Variants in TBL1XR1 observed in about 807,000 individuals in gnomAD.
TBL1XR1 encodes the protein F-box-like/WD repeat-containing protein TBL1XR1.
Under a neutral mutation model 66.9 loss-of-function variants are expected in TBL1XR1, and 5 were observed. That is an observed-to-expected ratio of 0.07 (90% confidence interval 0.04 to 0.16). TBL1XR1 has a LOEUF of 0.16. Among genes scored for constraint, TBL1XR1 ranks in the 10% least tolerant of loss-of-function variants. TBL1XR1 has a pLI of 1.00. For missense variants in TBL1XR1, 238 were observed against 623.2 expected (o/e 0.38, Z 6.58); for synonymous variants, 210 against 206.0 (o/e 1.02, Z -0.17).
chr3:177,112,109 T>A (rs1795224), intron 1 of TBL1XR1, among the ~76,000 whole-genome samples: 820 of 36,406 alleles, frequency 0.023, 2 homozygotes, highest in Non-Finnish European at 0.025. Context: ...ATATATATAT[T>A]TTTTTTTTTT....
chr3:177,182,830 AT>A (rs1483913846), intron 1 of TBL1XR1, among the ~76,000 whole-genome samples: 1 of 152,184 alleles, frequency 6.6e-6, no homozygotes, highest in African/African-American at 2.4e-5. Flanking sequence ...TGGCATGTAA[AT>A]TTTTTTAAAA....
At chr3:177,029,129 A>G (rs1047736127) in intron 14 of TBL1XR1, among the ~76,000 whole-genome samples, 7 of 152,040 alleles carry the variant, frequency 4.6e-5, no homozygotes, top group Non-Finnish European at 1.0e-4. Context: ...GAAAAAAAAA[A>G]AAAGCTATCA....
chr3:177,161,499 T>C (rs1266506666), intron 1 of TBL1XR1, among the ~76,000 whole-genome samples: 3 of 152,160 alleles, frequency 2.0e-5, no homozygotes, highest in South Asian at 4.1e-4. Context: ...AAGGCACTAA[T>C]TGGCCAGGCG....
chr3:177,125,012 G>T (rs553609000), intron 1 of TBL1XR1, among the ~76,000 whole-genome samples: 1 of 151,564 alleles, frequency 6.6e-6, no homozygotes, highest in Non-Finnish European at 1.5e-5. Context: ...CTTGGATTAG[G>T]CAATGGTTTC....
At chr3:177,029,378 G>A in intron 14 of TBL1XR1, among the ~76,000 whole-genome samples, 1 of 152,162 alleles carries the variant, frequency 6.6e-6, no homozygotes, top group Admixed American at 6.5e-5. Flanking sequence ...GGAATACTTT[G>A]GAAGGCTGAG....
In TBL1XR1 at chr3:177,049,980, G is replaced by A. The variant is rs753061021; in HGVS notation, c.702+17C>T. On this transcript the variant is annotated intron_variant, in intron 7 of 15. Coordinates refer to ENST00000457928, the MANE Select transcript of TBL1XR1 (RefSeq NM_024665.7). Reference sequence around the variant, plus strand: ...TATACTAGTAATTATATCCATCATGGATATAGTGATACTCACATTCCAATC... The same window carrying A: ...TATACTAGTAATTATATCCATCATGAATATAGTGATACTCACATTCCAATC... 46 of 1,611,936 alleles carry A rather than the reference G, an allele frequency of 2.9e-5. No individual in the cohort carries two copies. Among genetic ancestry groups the A allele is most frequent in the African/African-American group, 4.0e-5 (3 of 74,860 alleles).
At chr3:177,025,635 A>C in intron 15 of TBL1XR1, 111 bp from the exon 16 acceptor site, 1 of 1,020,826 alleles carries the variant, frequency 9.8e-7, no homozygotes, top group East Asian at 2.6e-5. Flanking sequence ...AGTTTATAAA[A>C]TTGGTAAAGC....
chr3:177,093,686 G>T (rs1723109168), intron 2 of TBL1XR1, among the ~76,000 whole-genome samples: 1 of 152,180 alleles, frequency 6.6e-6, no homozygotes, highest in Non-Finnish European at 1.5e-5. Context: ...ACAGCCAACT[G>T]ATCTTCGACA....
intron 2 of TBL1XR1, among the ~76,000 whole-genome samples, chr3:177,085,879 C>G (rs578257094): frequency 1.3e-5 from 2 of 152,254 alleles, no homozygotes; most frequent in South Asian, 4.1e-4. Flanking sequence ...TCTACACAAT[C>G]TGTGTTACAC....
chr3:177,098,397 C>A (rs1014851270), intron 2 of TBL1XR1, 69 bp downstream of exon 2: 1 of 907,046 alleles, frequency 1.1e-6, no homozygotes, highest in African/African-American at 1.8e-5. Context: ...GAGAAACTTT[C>A]AAAATTCTCA....
intron 1 of TBL1XR1, among the ~76,000 whole-genome samples, chr3:177,107,250 A>G (rs942303638): frequency 6.6e-6 from 1 of 152,218 alleles, no homozygotes; most frequent in African/African-American, 2.4e-5. Context: ...GTTTCTATTT[A>G]TCCACTACTG....
intron 1 of TBL1XR1, among the ~76,000 whole-genome samples, chr3:177,121,842 G>A (rs1727014104): frequency 6.6e-6 from 1 of 151,464 alleles, no homozygotes; most frequent in African/African-American, 2.4e-5. Context: ...AATGTTCTTA[G>A]CTAAAGATTT....
chr3:177,168,273 G>A (rs532117802), intron 1 of TBL1XR1, among the ~76,000 whole-genome samples: 13 of 138,936 alleles, frequency 9.4e-5, no homozygotes, highest in Admixed American at 6.8e-4. Flanking sequence ...AAGAAAACAC[G>A]GAAATAAACC....
chr3:177,061,286 G>A (rs576078121), intron 3 of TBL1XR1, among the ~76,000 whole-genome samples: 1 of 152,102 alleles, frequency 6.6e-6, no homozygotes, highest in Non-Finnish European at 1.5e-5. Context: ...TTGGAGGTGG[G>A]AAACTTTCAA....
At chr3:177,128,652 G>C (rs1177085898) in intron 1 of TBL1XR1, among the ~76,000 whole-genome samples, 1 of 152,176 alleles carries the variant, frequency 6.6e-6, no homozygotes, top group Non-Finnish European at 1.5e-5. Flanking sequence ...GGGATTACAG[G>C]CGTGAGCCAC....
intron 5 of TBL1XR1, among the ~76,000 whole-genome samples, chr3:177,050,932 T>TA (rs1365894725): frequency 6.6e-6 from 1 of 152,170 alleles, no homozygotes. Context: ...AGTACTATTC[T>TA]GAGTTTCTGC....
At chr3:177,066,702 AG>A (rs1431427447) in intron 2 of TBL1XR1, among the ~76,000 whole-genome samples, 9 of 152,198 alleles carry the variant, frequency 5.9e-5, no homozygotes, top group Non-Finnish European at 1.3e-4. Flanking sequence ...ACTGTCACAG[AG>A]GAACACTGGG....
Position 177,137,861 on chromosome 3 carries a change from T to G in TBL1XR1, c.-121-39320A>C, listed in dbSNP as rs552842596. ...TGGTGGTACCTGTACTCCTAGCTAC[T>G]AGGGAGGCTAAGGTGGAAGGATCAA... On this transcript the variant is annotated intron_variant, in intron 1 of 15. Transcript: ENST00000457928. Among the ~76,000 whole-genome samples, 4 of 152,134 alleles carry G rather than the reference T, an allele frequency of 2.6e-5. No individual in the cohort carries two copies. In the South Asian group the frequency reaches 8.3e-4, roughly 32 times the overall value.
At position 177,179,187 on chromosome 3, in the gene TBL1XR1, C is replaced by G. The variant is rs182955200; in HGVS notation, c.-122+17934G>C. On this transcript the variant is annotated intron_variant, in intron 1 of 15. Coordinates refer to ENST00000457928, the MANE Select transcript of TBL1XR1 (RefSeq NM_024665.7). ...GATGGGGGAGAATCGCACAACAACC[C>G]CCTCCAAAAACTTCAAAGACTAAAA... is the stretch of plus-strand genomic sequence containing the variant. Among the ~76,000 whole-genome samples, 575 of 150,856 alleles carry G rather than the reference C, an allele frequency of 3.8e-3. 2 individuals carry two copies. Among genetic ancestry groups the G allele is most frequent in the African/African-American group, 0.013 (546 of 41,026 alleles).
Sources: gnomAD v4.1 joint callset for allele counts (sites outside exome capture counted in the v4.1 genomes callset) on GRCh38, gnomAD v4.1.1 for gene constraint, MANE v1.5 for transcripts, NCBI Gene and HGNC (gene_info 2026-07-23, HGNC 2026-07-21) for gene names.